Variants in TRIM37 observed in about 807,000 individuals in gnomAD.
TRIM37 encodes the protein tripartite motif containing 37.
In TRIM37, 80 loss-of-function variants were observed where a neutral mutation model predicts 129.8. The ratio of observed to expected loss-of-function variants is 0.62; its 90% CI spans 0.51 to 0.74. The LOEUF (loss-of-function observed/expected upper bound fraction) is 0.74, where lower values mean the gene tolerates loss of function less well. Among genes scored for constraint, TRIM37 ranks in the 30% least tolerant of loss-of-function variants. TRIM37 has a pLI of 0.00. For synonymous variants in TRIM37, 389 were observed against 387.1 expected (o/e 1.00, Z -0.06); for missense variants, 1,054 against 1,176.5 (o/e 0.90, Z 1.52).
chr17:59,007,453 C>T (rs1013757864), intron 22 of TRIM37, among the ~76,000 whole-genome samples: 1 of 152,034 alleles, frequency 6.6e-6, no homozygotes, highest in Non-Finnish European at 1.5e-5. Context: ...CTTTGTATTC[C>T]TCTTAAAGAG....
chr17:59,032,149 A>G (rs1367502892), intron 17 of TRIM37, 59 bp from the exon 18 acceptor site: 5 of 1,531,152 alleles, frequency 3.3e-6, no homozygotes, highest in Non-Finnish European at 4.5e-6. Flanking sequence ...TACTTAAATG[A>G]AAAAATGAAC....
chr17:58,980,416 T>C (rs1425576918), downstream of TRIM37: 20 of 1,614,016 alleles, frequency 1.2e-5, no homozygotes, highest in Non-Finnish European at 1.7e-5. The surrounding 1 kb of genome is among the most constrained non-coding windows in gnomAD (Gnocchi z 4.7). Context: ...CATTCACTGA[T>C]AGAACTAGCC....
At chr17:59,047,868 C>T in intron 15 of TRIM37, 49 bp from the exon 16 acceptor site, 2 of 1,606,974 alleles carry the variant, frequency 1.2e-6, no homozygotes, top group Non-Finnish European at 1.7e-6. Flanking sequence ...TGTTTCTACT[C>T]AGTTGATCAC....
At chr17:58,993,130 G>T (rs1453947651) in intron 24 of TRIM37, among the ~76,000 whole-genome samples, 3 of 152,140 alleles carry the variant, frequency 2.0e-5, no homozygotes, top group Non-Finnish European at 4.4e-5. Flanking sequence ...TTTTATAAGG[G>T]GGAGTTTCCC....
chr17:59,056,592 T>C (rs1173864950), intron 13 of TRIM37, among the ~76,000 whole-genome samples: 9 of 149,732 alleles, frequency 6.0e-5, no homozygotes, highest in Non-Finnish European at 1.2e-4. Flanking sequence ...TAGCCAGGCG[T>C]GGTGGCGGGC....
chr17:59,014,748 G>A (rs1439448242), intron 21 of TRIM37, among the ~76,000 whole-genome samples: 4 of 149,940 alleles, frequency 2.7e-5, no homozygotes, highest in South Asian at 2.1e-4. Context: ...CCCCCCTACC[G>A]CCAACACATA....
At chr17:59,087,894 T>C (rs1043516567) in intron 4 of TRIM37, 7 of 271,928 alleles carry the variant, frequency 2.6e-5, no homozygotes, top group African/African-American at 1.1e-4. Context: ...TCTCCAGATA[T>C]GTTCAAAATT....
intron 13 of TRIM37, among the ~76,000 whole-genome samples, chr17:59,056,256 C>T (rs945640195): frequency 1.3e-5 from 2 of 151,604 alleles, no homozygotes; most frequent in Non-Finnish European, 2.9e-5. Flanking sequence ...GTTTCCTAAG[C>T]TGGTCTCAAA....
intron 19 of TRIM37, among the ~76,000 whole-genome samples, chr17:59,027,307 A>G (rs1365191950): frequency 1.3e-5 from 2 of 152,320 alleles, no homozygotes; most frequent in East Asian, 3.9e-4. Context: ...CTGCCTATTA[A>G]GTTGCTTAGG....
intron 2 of TRIM37, among the ~76,000 whole-genome samples, chr17:59,100,003 T>C (rs2045310673): frequency 6.6e-6 from 1 of 152,066 alleles, no homozygotes; most frequent in South Asian, 2.1e-4. Context: ...GAGTTCTCCA[T>C]GTTGGTCAAG....
chr17:59,020,230 CAAAAAAAAAAAAAAAAAA>C (rs58159558), intron 19 of TRIM37, among the ~76,000 whole-genome samples: 14 of 32,062 alleles, frequency 4.4e-4, no homozygotes, highest in African/African-American at 1.7e-3. Context: ...GACTCTGTCT[CAAAAAAAAAAAAAAAAAA>C]AAAAAAAAAA....
At chr17:59,104,448 T>C (rs1285585233) in intron 1 of TRIM37, 54 bp from the exon 2 acceptor site, 5 of 1,498,988 alleles carry the variant, frequency 3.3e-6, no homozygotes, top group Non-Finnish European at 4.7e-6. Context: ...GAATCAAGAG[T>C]AAAAGGCAAG....
chr17:59,079,852 T>C lies in TRIM37; in HGVS notation c.518A>G (p.Asn173Ser). Residue 173 changes from asparagine to serine, a missense_variant, in exon 7 of 24, where the codon AAT becomes AGT. This residue lies in a region of TRIM37 where 752 missense variants were observed against 870.8 expected (regional missense o/e 0.86). Transcript: ENST00000262294. ...EVERNVEAVR[N>S]AKDERVREIR... is the part of the protein sequence containing the mutation. The stretch of plus-strand genomic sequence containing the variant: ...TTCCCGAACACGCTCATCTTTTGCA[T>C]TTCTTACAGCTTCTACATTCCTTTC... 2 of 1,614,068 alleles carry C rather than the reference T, an allele frequency of 1.2e-6. No individual in the cohort carries two copies. The highest frequency in any genetic ancestry group is 4.5e-5 in the East Asian group (2 of 44,860).
intron 2 of TRIM37, among the ~76,000 whole-genome samples, chr17:59,101,430 T>A (rs1347463477): frequency 6.6e-6 from 1 of 151,948 alleles, no homozygotes; most frequent in Non-Finnish European, 1.5e-5. Context: ...AGGTAACCAA[T>A]GTTCATACTT....
At chr17:59,039,350 CTTTT>C (rs71145516) in intron 17 of TRIM37, among the ~76,000 whole-genome samples, 1 of 144,502 alleles carries the variant, frequency 6.9e-6, no homozygotes, top group Non-Finnish European at 1.5e-5. Context: ...GATGGCCAGT[CTTTT>C]TTTTTTTTTT....
At chr17:58,969,677 A>G in the TRIM37 span, 66 of 1,614,070 alleles carry the variant, frequency 4.1e-5, no homozygotes, top group Non-Finnish European at 5.3e-5. Flanking sequence ...GGCCCTGTGC[A>G]GGGCCTTCCG....
At chr17:58,995,058 C>CT (rs911586238), downstream of TRIM37, among the ~76,000 whole-genome samples, 3 of 151,420 alleles carry the variant, frequency 2.0e-5, no homozygotes, top group Non-Finnish European at 3.0e-5. Context: ...CATACATTTT[C>CT]TTTTTTTTGA....
At chr17:58,975,208 C>G in the TRIM37 span, among the ~76,000 whole-genome samples, 1 of 152,214 alleles carries the variant, frequency 6.6e-6, no homozygotes, top group Non-Finnish European at 1.5e-5. Context: ...CAACTCAAAC[C>G]AAACACCTAT....
chr17:59,070,948 C>T lies in TRIM37; in HGVS notation c.685-1G>A. 6.2e-7 allele frequency: 1 copy of T among 1,613,340 alleles called. No homozygotes were observed. Among genetic ancestry groups the T allele is most frequent in the South Asian group, 1.1e-5 (1 of 90,774 alleles). ...ACTCACTCTTACTACAAGACCGCAA[C>T]TGTGTGAGGAAAAAAATTATCTGAA... On this transcript the variant is annotated splice_acceptor_variant, in intron 8 of 23. Transcript: ENST00000262294. LOFTEE classifies it high-confidence loss of function.
Sources: gnomAD v4.1 joint callset for allele counts (sites outside exome capture counted in the v4.1 genomes callset) on GRCh38, gnomAD v4.1.1 for gene constraint, gnomAD v4.1.1 regional missense constraint, Gnocchi (gnomAD v3.1) non-coding constraint, MANE v1.5 for transcripts, NCBI Gene and HGNC (gene_info 2026-07-23, HGNC 2026-07-21) for gene names.